Variants in AP3D1 observed in about 807,000 individuals in gnomAD.
The protein encoded by AP3D1 is AP-3 complex subunit delta-1.
In AP3D1, 51 loss-of-function variants were observed where a neutral mutation model predicts 147.6. The observed-to-expected ratio is 0.35, with a 90% CI of 0.28 to 0.44. The LOEUF (loss-of-function observed/expected upper bound fraction) is 0.44, where lower values mean the gene tolerates loss of function less well. AP3D1 is among the 20% of genes least tolerant of loss of function. The pLI is 1.00. For synonymous variants in AP3D1, 760 were observed against 663.0 expected (o/e 1.15, Z -2.25); for missense variants, 1,421 against 1,624.2 (o/e 0.87, Z 2.15).
chr19:2,125,444 T>A (rs998922427), intron 9 of AP3D1, among the ~76,000 whole-genome samples: 3 of 152,106 alleles, frequency 2.0e-5, no homozygotes, highest in African/African-American at 7.2e-5. Context: ...GCCTCCCAAG[T>A]AGTCGGGATT....
At chr19:2,111,542 G>A in intron 25 of AP3D1, 137 bp downstream of exon 25, 1 of 1,298,526 alleles carries the variant, frequency 7.7e-7, no homozygotes, top group South Asian at 1.5e-5. Context: ...GCCAGGGCCA[G>A]TCCCCTGCCC....
intron 4 of AP3D1, 68 bp downstream of exon 4, chr19:2,136,943 G>C: frequency 6.9e-7 from 1 of 1,440,532 alleles, no homozygotes; most frequent in Non-Finnish European, 9.5e-7. Context: ...GACGCGTGTG[G>C]GAACCAGACG....
chr19:2,114,406 T>C, intron 21 of AP3D1, 104 bp from the exon 22 acceptor site: 1 of 964,640 alleles, frequency 1.0e-6, no homozygotes, highest in Admixed American at 2.4e-5. Flanking sequence ...GACCTGCTCC[T>C]CCAGCCCCTG....
chr19:2,160,214 G>C (rs2019684986), intron 1 of AP3D1, among the ~76,000 whole-genome samples: 1 of 152,152 alleles, frequency 6.6e-6, no homozygotes, highest in Non-Finnish European at 1.5e-5. Flanking sequence ...AGAGGAAATG[G>C]CTCAGGAAAG....
chr19:2,109,989 AG>A lies in AP3D1; in HGVS notation c.3265-32del, dbSNP rs757494706. ...GTGGAGTGAAGGTGGTGCAGTTGAG[AG>A]GGGAGTCGGGCCCAGCTCAGGGCTC... is the stretch of plus-strand genomic sequence containing the variant. On this transcript the variant is annotated intron_variant, in intron 28 of 31. Coordinates refer to ENST00000643116, the MANE Select transcript of AP3D1 (RefSeq NM_001261826.3). The A allele has an allele frequency of 4.6e-5, 74 of 1,610,582 alleles. No homozygotes were observed. In the South Asian group the frequency reaches 4.7e-4, roughly 10 times the overall value.
chr19:2,128,090 C>T lies in AP3D1; in HGVS notation c.807-889G>A, dbSNP rs536706462. Among the ~76,000 whole-genome samples the T allele has an allele frequency of 9.8e-5, 15 of 152,308 alleles. No individual in the cohort carries two copies. In the South Asian group the frequency reaches 1.7e-3, roughly 17 times the overall value. ...CTGCATCTGAAAGTCATGGCGATGA[C>T]GCCTCTGCCTGCGGCCCACTGCACC... On this transcript the variant is annotated intron_variant, in intron 8 of 31. Transcript: ENST00000643116.
chr19:2,107,367 C>G (rs1228587944), intron 31 of AP3D1, among the ~76,000 whole-genome samples: 1 of 152,040 alleles, frequency 6.6e-6, no homozygotes, highest in Non-Finnish European at 1.5e-5. Context: ...GAAAGAAACA[C>G]GTGCAAACTG....
intron 3 of AP3D1, among the ~76,000 whole-genome samples, chr19:2,137,357 A>G (rs1222109037): frequency 6.6e-6 from 1 of 151,380 alleles, no homozygotes; most frequent in Non-Finnish European, 1.5e-5. Flanking sequence ...TCTGTTGCCC[A>G]GGCTGGAGTG....
At chr19:2,162,576 C>G (rs957149620) in intron 1 of AP3D1, among the ~76,000 whole-genome samples, 1 of 151,446 alleles carries the variant, frequency 6.6e-6, no homozygotes, top group African/African-American at 2.4e-5. Flanking sequence ...CAGGAGAAAT[C>G]TCTTGAGCCT....
Position 2,106,985 on chromosome 19 carries a change from C to T in AP3D1, c.3552+1702G>A, listed in dbSNP as rs539467388. On this transcript the variant is annotated intron_variant, in intron 31 of 31. Coordinates refer to ENST00000643116, the MANE Select transcript of AP3D1 (RefSeq NM_001261826.3). ...AATGAAAAGAACAGCAATGACAGGC[C>T]GGACGCAGTGGCTCACACCTGTAAT... Among the ~76,000 whole-genome samples, 3 of 152,034 alleles carry T rather than the reference C, an allele frequency of 2.0e-5. No individual in the cohort carries two copies. In the South Asian group the frequency reaches 6.2e-4, roughly 32 times the overall value.
In AP3D1 at chr19:2,151,403, T is replaced by A; in HGVS notation, c.-69A>T. 1 of 1,063,584 alleles carries A rather than the reference T, an allele frequency of 9.4e-7. No individual in the cohort carries two copies. The highest frequency in any genetic ancestry group is 1.2e-6 in the Non-Finnish European group (1 of 840,614). The allele number at this position is 1,063,584 out of a possible 1,614,324, so 65.9% of individuals were successfully genotyped here. On this transcript the variant is annotated 5_prime_UTR_variant, in exon 1 of 32. Coordinates refer to ENST00000643116, the MANE Select transcript of AP3D1 (RefSeq NM_001261826.3). ...GCGCCGTGAGGGGGCCCGGGGCCCG[T>A]GCCTGCCGCCCGCGGAGCGCCGCGC...
chr19:2,123,455 T>G, intron 10 of AP3D1, 49 bp from the exon 11 acceptor site: 3 of 1,597,170 alleles, frequency 1.9e-6, no homozygotes, highest in Non-Finnish European at 2.6e-6. Context: ...AAACCAAGGG[T>G]GAGTCCCACA....
chr19:2,130,508 C>T lies in AP3D1; in HGVS notation c.492G>A (p.Lys164=). Residue 164 remains lysine (K), a synonymous_variant, in exon 6 of 32, where the codon AAG becomes AAA. Transcript: ENST00000643116. ...CCTTGTACATGATCAGCACAGCCTT[C>T]TTCCTGATGTAGGGCTTGGTGTGTG... ...LMSHTKPYIR[K]KAVLIMYKVF... 1 of 1,614,088 alleles carries T rather than the reference C, an allele frequency of 6.2e-7. No homozygotes were observed. The highest frequency in any genetic ancestry group is 8.5e-7 in the Non-Finnish European group (1 of 1,179,992).
At chr19:2,107,327 T>C (rs2018139487) in intron 31 of AP3D1, among the ~76,000 whole-genome samples, 1 of 149,672 alleles carries the variant, frequency 6.7e-6, no homozygotes, top group Admixed American at 6.6e-5. Context: ...TGCTGAGTAG[T>C]GAACATGAGC....
Position 2,114,264 on chromosome 19 carries a change from T to A in AP3D1, c.2462A>T (p.His821Leu). 1.2e-6 allele frequency: 2 copies of A among 1,612,810 alleles called. No individual in the cohort carries two copies. The highest frequency in any genetic ancestry group is 1.7e-6 in the Non-Finnish European group (2 of 1,179,660). ...GGATTTTGAGGTCTCGGTGTTTCTGTGTTTCTGAATAGGCAGTTTCTCGCT... is the reference window on the plus strand; with the variant it reads ...GGATTTTGAGGTCTCGGTGTTTCTGAGTTTCTGAATAGGCAGTTTCTCGCT... Reference protein sequence around the residue: ...ADSEKLPIQKHRNTETSKSPE... With the variant: ...ADSEKLPIQKLRNTETSKSPE... The change falls in exon 22 of 32, where the codon CAC (histidine) becomes CTC (leucine). Residue 821 changes from histidine (H) to leucine (L), a missense_variant. Physicochemically the swap from His to Leu is moderately conservative, Grantham distance 99 (BLOSUM62 -3). Coordinates refer to ENST00000643116, the MANE Select transcript of AP3D1 (RefSeq NM_001261826.3).
intron 31 of AP3D1, among the ~76,000 whole-genome samples, chr19:2,108,376 G>A (rs932577274): frequency 6.6e-6 from 1 of 152,214 alleles, no homozygotes; most frequent in Non-Finnish European, 1.5e-5. Context: ...TGGAGAGTCC[G>A]ACCCCAGGGC....
At chr19:2,143,487 A>G (rs1184346682) in intron 1 of AP3D1, among the ~76,000 whole-genome samples, 3 of 151,336 alleles carry the variant, frequency 2.0e-5, no homozygotes, top group South Asian at 2.1e-4. Flanking sequence ...TGATCCGCCC[A>G]CCTTGGCCTC....
At chr19:2,149,327 C>G (rs2019444723) in intron 1 of AP3D1, among the ~76,000 whole-genome samples, 1 of 152,126 alleles carries the variant, frequency 6.6e-6, no homozygotes, top group African/African-American at 2.4e-5. Flanking sequence ...GGGTGGATCA[C>G]TGAGGTCAGG....
chr19:2,109,212 G>A lies in AP3D1; in HGVS notation c.3351-5C>T. The A allele has an allele frequency of 6.4e-7, 1 of 1,572,598 alleles. No individual in the cohort carries two copies. The highest frequency in any genetic ancestry group is 8.6e-7 in the Non-Finnish European group (1 of 1,162,106). On this transcript the variant is annotated splice_region_variant and splice_polypyrimidine_tract_variant and intron_variant, in intron 29 of 31. Coordinates refer to ENST00000643116, the MANE Select transcript of AP3D1 (RefSeq NM_001261826.3). ...AGCAACTTAGCAAAGGCGTCACTGT[G>A]GGAGGGACAGGGAGGCTGACTGCGG...
Sources: allele counts gnomAD v4.1 joint callset (sites outside exome capture counted in the v4.1 genomes callset), GRCh38; gene constraint gnomAD v4.1.1; transcripts MANE v1.5; gene names NCBI Gene and HGNC (gene_info 2026-07-23, HGNC 2026-07-21).